Variants in GRAMD1C observed in about 807,000 individuals in gnomAD.
GRAMD1C encodes the protein protein Aster-C.
In GRAMD1C, 89 loss-of-function variants were observed where a neutral mutation model predicts 97.8. The ratio of observed to expected loss-of-function variants is 0.91; its 90% confidence interval spans 0.77 to 1.09. The LOEUF is 1.09. Ranked by LOEUF, GRAMD1C falls within the 50% of genes least tolerant of loss-of-function variation. The pLI is 0.00. For missense variants in GRAMD1C, 740 were observed against 766.4 expected (o/e 0.97, Z 0.41); for synonymous variants, 256 against 267.0 (o/e 0.96, Z 0.40).
intron 1 of GRAMD1C, among the ~76,000 whole-genome samples, chr3:113,839,718 C>T (rs1003895144): frequency 1.5e-4 from 23 of 152,134 alleles, no homozygotes; most frequent in South Asian, 2.1e-4. Flanking sequence ...ACTGGGTGTT[C>T]GGGATTAGAT....
chr3:113,847,389 A>G (rs1328710331), intron 2 of GRAMD1C, among the ~76,000 whole-genome samples: 2 of 152,252 alleles, frequency 1.3e-5, no homozygotes, highest in Non-Finnish European at 2.9e-5. Flanking sequence ...ATTTGATATC[A>G]AAGTTCAAGA....
At chr3:113,922,748 T>A (rs1937105537) in intron 10 of GRAMD1C, among the ~76,000 whole-genome samples, 1 of 152,238 alleles carries the variant, frequency 6.6e-6, no homozygotes, top group Non-Finnish European at 1.5e-5. Context: ...AGGATCACTT[T>A]GGCTATTGGG....
chr3:113,883,446 G>A lies in GRAMD1C; in HGVS notation c.540+614G>A, dbSNP rs1454326843. ...AGGCTGAGGTGGGAGGATCACCTGA[G>A]CCCAGGATGTCGAGGCTGCGGTGAG... On this transcript the variant is annotated intron_variant, in intron 6 of 17. Transcript: ENST00000358160. Among the ~76,000 whole-genome samples the A allele has an allele frequency of 3.3e-5, 5 of 151,278 alleles. No homozygotes were observed. In the East Asian group the frequency reaches 9.7e-4, roughly 29 times the overall value.
chr3:113,893,350 C>T (rs1006979392), intron 6 of GRAMD1C, among the ~76,000 whole-genome samples: 2 of 151,894 alleles, frequency 1.3e-5, no homozygotes, highest in African/African-American at 2.4e-5. Flanking sequence ...TCTTAATATA[C>T]CCTCTCATTC....
intron 1 of GRAMD1C, among the ~76,000 whole-genome samples, chr3:113,832,498 C>T (rs1709572421): frequency 1.3e-5 from 2 of 152,136 alleles, no homozygotes; most frequent in African/African-American, 2.4e-5. Flanking sequence ...AAGTATGGTT[C>T]AGTGACATTA....
intron 1 of GRAMD1C, among the ~76,000 whole-genome samples, chr3:113,839,994 C>G (rs1709740086): frequency 6.6e-6 from 1 of 151,906 alleles, no homozygotes; most frequent in South Asian, 2.1e-4. Context: ...ACTGATGATG[C>G]CACACACACA....
At chr3:113,858,640 C>T (rs1196501567) in intron 2 of GRAMD1C, among the ~76,000 whole-genome samples, 2 of 152,076 alleles carry the variant, frequency 1.3e-5, no homozygotes, top group Non-Finnish European at 2.9e-5. Flanking sequence ...GTGACCCACC[C>T]GCCTTGTCTT....
intron 10 of GRAMD1C, among the ~76,000 whole-genome samples, chr3:113,920,743 A>G (rs915248214): frequency 1.1e-4 from 16 of 152,054 alleles, no homozygotes; most frequent in African/African-American, 3.9e-4. Flanking sequence ...GGCTTTCACC[A>G]TGTTGGCCAG....
intron 5 of GRAMD1C, among the ~76,000 whole-genome samples, chr3:113,879,064 G>A (rs1935163677): frequency 3.3e-5 from 5 of 152,038 alleles, no homozygotes; most frequent in Admixed American, 2.6e-4. Context: ...AATTAGCTGG[G>A]CATGGTGGTG....
At chr3:113,936,727 G>C in intron 14 of GRAMD1C, 1 of 211,660 alleles carries the variant, frequency 4.7e-6, no homozygotes, top group Non-Finnish European at 9.3e-6. Context: ...TTTCTAGATA[G>C]GGTCTCGTTC....
rs557163353 is a variant in GRAMD1C at position 113,856,654 on chromosome 3, A to G, written c.174+12005A>G. Among the ~76,000 whole-genome samples, 3 of 151,884 alleles carry G rather than the reference A, an allele frequency of 2.0e-5. No homozygotes were observed. In the East Asian group the frequency reaches 5.8e-4, roughly 30 times the overall value. On this transcript the variant is annotated intron_variant, in intron 2 of 17. Coordinates refer to ENST00000358160, the MANE Select transcript of GRAMD1C (RefSeq NM_017577.5). ...TCCTGAGTTCAAGCAATTCTCCCAT[A>G]TGAGCCTCCTGAGTAGCTGGGATTA...
At chr3:113,881,044 T>G (rs891568189) in intron 5 of GRAMD1C, among the ~76,000 whole-genome samples, 2 of 152,308 alleles carry the variant, frequency 1.3e-5, no homozygotes, top group African/African-American at 4.8e-5. Context: ...TTGTTTTGGG[T>G]TCTAGAATAT....
chr3:113,870,096 T>A (rs966536857), intron 3 of GRAMD1C, among the ~76,000 whole-genome samples: 2 of 151,888 alleles, frequency 1.3e-5, no homozygotes, highest in Non-Finnish European at 2.9e-5. Context: ...GTGTGGTGAC[T>A]CATGCCTGTT....
At chr3:113,840,374 C>T (rs1464736227) in intron 1 of GRAMD1C, among the ~76,000 whole-genome samples, 3 of 152,124 alleles carry the variant, frequency 2.0e-5, no homozygotes, top group African/African-American at 7.2e-5. Context: ...AAAACTGGCT[C>T]CAGGTCTTTT....
intron 2 of GRAMD1C, among the ~76,000 whole-genome samples, chr3:113,863,007 G>A (rs1168090623): frequency 4.6e-5 from 7 of 152,220 alleles, no homozygotes; most frequent in African/African-American, 1.2e-4. Context: ...AAATGGTACA[G>A]GCATTTTGGA....
intron 2 of GRAMD1C, chr3:113,850,834 C>T: frequency 2.2e-6 from 1 of 445,584 alleles, no homozygotes; most frequent in Non-Finnish European, 3.6e-6. Context: ...TGGAGTATTG[C>T]TCTGTCACCC....
intron 10 of GRAMD1C, among the ~76,000 whole-genome samples, chr3:113,928,859 T>C (rs1048007112): frequency 1.3e-5 from 2 of 152,238 alleles, no homozygotes; most frequent in Non-Finnish European, 2.9e-5. Flanking sequence ...ACATTTTGTT[T>C]ATCCGTTCAT....
At chr3:113,919,182 A>C (rs1156345275) in intron 10 of GRAMD1C, 1 of 309,672 alleles carries the variant, frequency 3.2e-6, no homozygotes, top group African/African-American at 2.2e-5. Flanking sequence ...TCCTGAGTGA[A>C]AAGGAGTAAA....
At chr3:113,930,125 C>A (rs975005057) in intron 10 of GRAMD1C, among the ~76,000 whole-genome samples, 1 of 152,148 alleles carries the variant, frequency 6.6e-6, no homozygotes, top group Non-Finnish European at 1.5e-5. Flanking sequence ...TTACCAGGAT[C>A]TTGCTATAAA....
Sources: allele counts gnomAD v4.1 joint callset (sites outside exome capture counted in the v4.1 genomes callset), GRCh38; gene constraint gnomAD v4.1.1; transcripts MANE v1.5; gene names NCBI Gene and HGNC (gene_info 2026-07-23, HGNC 2026-07-21).